The following PDE1C variants were observed in gnomAD, a reference collection of about 807,000 sequenced individuals.
The protein encoded by PDE1C is dual specificity calcium/calmodulin-dependent 3',5'-cyclic nucleotide phosphodiesterase 1C.
PDE1C carries 62 observed loss-of-function variants against 93.1 expected under a neutral mutation model. That is an observed-to-expected ratio of 0.67 (90% confidence interval 0.54 to 0.82). The LOEUF is 0.82. Ranked by LOEUF, PDE1C falls within the 40% of genes least tolerant of loss-of-function variation. PDE1C has a pLI of 0.00. For missense variants in PDE1C, 742 were observed against 884.6 expected, an observed-to-expected ratio of 0.84 and a Z score of 2.04; for synonymous variants, 325 against 310.1, an observed-to-expected ratio of 1.05 and a Z score of -0.50.
intron 1 of PDE1C, among the ~76,000 whole-genome samples, chr7:32,399,332 A>G (rs1463537317): frequency 6.6e-6 from 1 of 152,200 alleles, no homozygotes; most frequent in Non-Finnish European, 1.5e-5. Flanking sequence ...AGGATCCTGT[A>G]TTATTTTGCC....
intron 6 of PDE1C, among the ~76,000 whole-genome samples, chr7:31,871,913 A>G (rs1442866591): frequency 6.6e-6 from 1 of 152,156 alleles, no homozygotes; most frequent in Non-Finnish European, 1.5e-5. Flanking sequence ...TATCAAAGAG[A>G]TATCTGCACC....
chr7:31,659,695 T>G, the PDE1C span, among the ~76,000 whole-genome samples: 2 of 151,230 alleles, frequency 1.3e-5, no homozygotes, highest in Admixed American at 1.3e-4. Context: ...AACTTCAGTC[T>G]CTTTTCTTGT....
chr7:32,264,826 C>T (rs10252303), intron 1 of PDE1C, among the ~76,000 whole-genome samples: 17,975 of 152,194 alleles, frequency 0.12, 1,220 homozygotes, highest in African/African-American at 0.16. Context: ...TATGGCCTAG[C>T]GAAAGTTCTA....
chr7:32,263,745 T>C (rs1308485706), intron 1 of PDE1C, among the ~76,000 whole-genome samples: 2 of 152,190 alleles, frequency 1.3e-5, no homozygotes, highest in African/African-American at 2.4e-5. Flanking sequence ...TTTTTAAGAA[T>C]ACACCCTCCC....
At chr7:32,043,318 C>A (rs957494411) in intron 2 of PDE1C, among the ~76,000 whole-genome samples, 5 of 152,138 alleles carry the variant, frequency 3.3e-5, no homozygotes, top group African/African-American at 1.2e-4. Flanking sequence ...ACTGATTCAA[C>A]CCTGTCAATT....
chr7:31,836,076 A>C (rs1447476359), intron 11 of PDE1C, among the ~76,000 whole-genome samples: 1 of 152,188 alleles, frequency 6.6e-6, no homozygotes, highest in Non-Finnish European at 1.5e-5. Context: ...AATTAGCAAG[A>C]ATTAACTGAA....
chr7:31,621,131 T>C, the PDE1C span, among the ~76,000 whole-genome samples: 1 of 152,068 alleles, frequency 6.6e-6, no homozygotes, highest in African/African-American at 2.4e-5. Context: ...CTACGTCTGA[T>C]TGGTGTACCT....
At chr7:31,726,278 C>T in the PDE1C span, among the ~76,000 whole-genome samples, 1 of 152,030 alleles carries the variant, frequency 6.6e-6, no homozygotes, top group Non-Finnish European at 1.5e-5. Flanking sequence ...GTTGCCCAAG[C>T]TTGTCTTGAA....
At chr7:32,102,368 C>T (rs1584765110) in intron 3 of PDE1C, among the ~76,000 whole-genome samples, 1 of 152,146 alleles carries the variant, frequency 6.6e-6, no homozygotes, top group Non-Finnish European at 1.5e-5. Context: ...AGTTTTTTTG[C>T]TTGGCATATT....
At chr7:32,161,719 C>T (rs1801935011) in intron 3 of PDE1C, among the ~76,000 whole-genome samples, 1 of 152,212 alleles carries the variant, frequency 6.6e-6, no homozygotes, top group Non-Finnish European at 1.5e-5. Context: ...TTTATCCACA[C>T]TTCACATTGG....
At chr7:32,237,339 G>A (rs1585008677) in intron 1 of PDE1C, among the ~76,000 whole-genome samples, 1 of 151,642 alleles carries the variant, frequency 6.6e-6, no homozygotes, top group Non-Finnish European at 1.5e-5. Flanking sequence ...CGCCCATCTC[G>A]GCTATTCATG....
intron 17 of PDE1C, among the ~76,000 whole-genome samples, chr7:31,755,639 G>T (rs1794415210): frequency 1.3e-5 from 2 of 151,466 alleles, no homozygotes; most frequent in African/African-American, 2.4e-5. Flanking sequence ...CTGAATGAAA[G>T]ATCTACTGAA....
At chr7:32,132,225 C>T (rs1799957239) in intron 3 of PDE1C, among the ~76,000 whole-genome samples, 1 of 152,054 alleles carries the variant, frequency 6.6e-6, no homozygotes, top group Admixed American at 6.6e-5. Context: ...GCCCAGTGAG[C>T]AAGCAGCAAA....
chr7:31,962,140 T>A (rs1424611967), intron 2 of PDE1C, among the ~76,000 whole-genome samples: 1 of 152,214 alleles, frequency 6.6e-6, no homozygotes, highest in Admixed American at 6.5e-5. Context: ...AGTACAAAAA[T>A]GAAGAAATAC....
chr7:32,088,027 TAAAAAAAAG>T (rs1563302139), intron 3 of PDE1C, among the ~76,000 whole-genome samples: 2 of 151,126 alleles, frequency 1.3e-5, no homozygotes, highest in Admixed American at 6.6e-5. Context: ...AAATAAAAAA[TAAAAAAAAG>T]AAAATGTGTT....
chr7:32,404,988 A>G (rs1785022498), intron 1 of PDE1C, among the ~76,000 whole-genome samples: 1 of 152,050 alleles, frequency 6.6e-6, no homozygotes, highest in Non-Finnish European at 1.5e-5. Context: ...TTTTAGATGG[A>G]GTGTTTATTT....
At chr7:32,143,517 C>A (rs1411472939) in intron 3 of PDE1C, among the ~76,000 whole-genome samples, 1 of 151,938 alleles carries the variant, frequency 6.6e-6, no homozygotes, top group Non-Finnish European at 1.5e-5. Context: ...TCTTGCCATT[C>A]CCATGTGCTG....
intron 1 of PDE1C, among the ~76,000 whole-genome samples, chr7:32,243,987 A>T (rs185348861): frequency 6.6e-6 from 1 of 152,358 alleles, no homozygotes; most frequent in East Asian, 1.9e-4. Context: ...TACAAAAGCT[A>T]CTATGAGATA....
chr7:31,908,371 T>A (rs1405923234), intron 2 of PDE1C, among the ~76,000 whole-genome samples: 1 of 152,192 alleles, frequency 6.6e-6, no homozygotes, highest in Non-Finnish European at 1.5e-5. Flanking sequence ...AAGTTCACTA[T>A]CTGTCTGGGT....
Sources: gnomAD v4.1 joint callset for allele counts (sites outside exome capture counted in the v4.1 genomes callset) on GRCh38, gnomAD v4.1.1 for gene constraint, MANE v1.5 for transcripts, NCBI Gene and HGNC (gene_info 2026-07-23, HGNC 2026-07-21) for gene names.